Variants in GALNT13 observed in about 807,000 individuals in gnomAD.
GALNT13 encodes UDP-GalNAc:polypeptide N-acetylgalactosaminyltransferase 13.
Under a neutral mutation model 64.2 loss-of-function variants are expected in GALNT13, and 28 were observed. That is an observed-to-expected ratio of 0.44 (90% CI 0.32 to 0.60). GALNT13 has a LOEUF of 0.60. Ranked by LOEUF, GALNT13 falls within the 20% of genes least tolerant of loss-of-function variation. GALNT13 has a pLI of 0.05. For synonymous variants in GALNT13, 214 were observed against 224.6 expected (o/e 0.95, Z 0.42); for missense variants, 577 against 669.8 (o/e 0.86, Z 1.53).
At chr2:153,859,512 C>T in the GALNT13 span, among the ~76,000 whole-genome samples, 1 of 151,992 alleles carries the variant, frequency 6.6e-6, no homozygotes, top group African/African-American at 2.4e-5. Context: ...ATTTTTCTGT[C>T]CTGAGTCTTA....
At chr2:153,083,738 T>A in the GALNT13 span, among the ~76,000 whole-genome samples, 2 of 152,376 alleles carry the variant, frequency 1.3e-5, no homozygotes, top group East Asian at 3.9e-4. Context: ...GCTTTTTCAT[T>A]TAATGAAGTC....
At chr2:153,072,236 G>A in the GALNT13 span, among the ~76,000 whole-genome samples, 17 of 152,242 alleles carry the variant, frequency 1.1e-4, no homozygotes, top group South Asian at 2.1e-4. Flanking sequence ...TTGTGTAAGG[G>A]CCAAAATAAC....
chr2:153,400,421 A>C, the GALNT13 span, among the ~76,000 whole-genome samples: 4 of 152,322 alleles, frequency 2.6e-5, no homozygotes, highest in Admixed American at 2.6e-4. Flanking sequence ...CTTTGGTATC[A>C]GAATGATGCT....
chr2:154,164,322 A>G (rs1030155166), intron 4 of GALNT13, among the ~76,000 whole-genome samples: 1 of 152,190 alleles, frequency 6.6e-6, no homozygotes, highest in Non-Finnish European at 1.5e-5. Flanking sequence ...TTGCTTAAAT[A>G]TAAGTGAAAT....
the GALNT13 span, among the ~76,000 whole-genome samples, chr2:153,234,005 A>G: frequency 7.2e-5 from 11 of 152,212 alleles, no homozygotes; most frequent in Admixed American, 5.9e-4. Context: ...AAAGAAGCTT[A>G]TAACTAATTT....
the GALNT13 span, among the ~76,000 whole-genome samples, chr2:153,740,929 C>G: frequency 5.3e-5 from 8 of 152,116 alleles, no homozygotes; most frequent in African/African-American, 1.7e-4. Flanking sequence ...CTTAGATAAA[C>G]TGAATTTTCT....
the GALNT13 span, among the ~76,000 whole-genome samples, chr2:153,316,872 T>C: frequency 6.6e-6 from 1 of 152,126 alleles, no homozygotes; most frequent in Non-Finnish European, 1.5e-5. Flanking sequence ...TCAAGACAAC[T>C]TCTAGAGCAA....
chr2:153,977,135 T>C (rs955044071), intron 3 of GALNT13, among the ~76,000 whole-genome samples: 2 of 152,188 alleles, frequency 1.3e-5, no homozygotes. Context: ...TCAAAATCCT[T>C]TATAATTTGA....
chr2:153,424,691 G>A, the GALNT13 span, among the ~76,000 whole-genome samples: 1 of 151,932 alleles, frequency 6.6e-6, no homozygotes, highest in Non-Finnish European at 1.5e-5. Flanking sequence ...CAGAAATTTG[G>A]TAGAGTAGTT....
At chr2:153,679,575 A>C in the GALNT13 span, among the ~76,000 whole-genome samples, 1 of 151,864 alleles carries the variant, frequency 6.6e-6, no homozygotes, top group Non-Finnish European at 1.5e-5. Context: ...TAGTCCTGTT[A>C]AACAGAAGAC....
intron 10 of GALNT13, among the ~76,000 whole-genome samples, chr2:154,408,453 G>A (rs557013931): frequency 6.6e-6 from 1 of 152,154 alleles, no homozygotes; most frequent in African/African-American, 2.4e-5. Flanking sequence ...GAAAGAAGAT[G>A]CATGAAAATG....
chr2:154,370,616 AG>A (rs1293872051), intron 9 of GALNT13, among the ~76,000 whole-genome samples: 1 of 152,080 alleles, frequency 6.6e-6, no homozygotes, highest in African/African-American at 2.4e-5. Context: ...AAAATGGAGA[AG>A]ATTGAAGGAA....
At chr2:154,325,328 A>T (rs1465392740) in intron 9 of GALNT13, among the ~76,000 whole-genome samples, 1 of 152,078 alleles carries the variant, frequency 6.6e-6, no homozygotes, top group African/African-American at 2.4e-5. Flanking sequence ...GATTATTCAA[A>T]GCCATCTTAA....
the GALNT13 span, among the ~76,000 whole-genome samples, chr2:153,222,885 G>C: frequency 6.6e-6 from 1 of 152,302 alleles, no homozygotes; most frequent in Non-Finnish European, 1.5e-5. Context: ...GGGCCACTGA[G>C]AGCGCAGGGA....
chr2:153,882,957 A>G (rs1046437225), intron 1 of GALNT13, among the ~76,000 whole-genome samples: 2 of 151,130 alleles, frequency 1.3e-5, no homozygotes, highest in African/African-American at 4.8e-5. Flanking sequence ...TAAAGAGACC[A>G]AGTTAAAGAA....
chr2:154,128,848 T>C (rs1265258722), intron 3 of GALNT13, among the ~76,000 whole-genome samples: 1 of 152,150 alleles, frequency 6.6e-6, no homozygotes, highest in Non-Finnish European at 1.5e-5. Context: ...CTGAAAAATA[T>C]CTGATTTAAA....
intron 3 of GALNT13, among the ~76,000 whole-genome samples, chr2:153,969,781 A>G (rs1027139779): frequency 6.6e-6 from 1 of 152,142 alleles, no homozygotes; most frequent in African/African-American, 2.4e-5. Context: ...GCCACATAGT[A>G]TAGTTCTATG....
intron 3 of GALNT13, among the ~76,000 whole-genome samples, chr2:154,002,946 G>T (rs1055968940): frequency 2.6e-5 from 4 of 152,140 alleles, no homozygotes; most frequent in African/African-American, 9.7e-5. Flanking sequence ...ATTGCAGTCT[G>T]AAGAAAACTT....
intron 4 of GALNT13, among the ~76,000 whole-genome samples, chr2:154,150,485 A>G (rs1683927385): frequency 1.3e-5 from 2 of 152,236 alleles, no homozygotes; most frequent in Admixed American, 6.5e-5. Context: ...TGTTGATTGG[A>G]ATAGTTTCAG....
Sources: gnomAD v4.1 joint callset for allele counts (sites outside exome capture counted in the v4.1 genomes callset) on GRCh38, gnomAD v4.1.1 for gene constraint, MANE v1.5 for transcripts, NCBI Gene and HGNC (gene_info 2026-07-23, HGNC 2026-07-21) for gene names.